Variants in RPIA observed in about 807,000 individuals in gnomAD.
RPIA encodes the protein ribose-5-phosphate isomerase.
A neutral mutation model predicts 37.8 loss-of-function variants in RPIA; 29 were observed. The ratio of observed to expected loss-of-function variants is 0.77; its 90% CI spans 0.57 to 1.05. The LOEUF is 1.05. Ranked by LOEUF, RPIA falls within the 50% of genes least tolerant of loss-of-function variation. RPIA has a pLI of 0.00. For synonymous variants in RPIA, 167 were observed against 157.0 expected (o/e 1.06, Z -0.48); for missense variants, 385 against 413.6 (o/e 0.93, Z 0.60).
At chr2:88,713,311 C>T (rs995746693) in intron 3 of RPIA, among the ~76,000 whole-genome samples, 11 of 151,350 alleles carry the variant, frequency 7.3e-5, no homozygotes, top group Admixed American at 7.2e-4. Context: ...CAAATGTGTG[C>T]CTCCACACCT....
rs146291864 is a variant in RPIA, at chr2:88,721,534, A to T, written c.403-7744A>T. On this transcript the variant is annotated intron_variant, in intron 3 of 8. Coordinates refer to ENST00000283646, the MANE Select transcript of RPIA (RefSeq NM_144563.3). Reference sequence around the variant, plus strand: ...ATAAAACATAATAGATATATTTTAGATATATATTATACACACACACACACA... The same window carrying T: ...ATAAAACATAATAGATATATTTTAGTTATATATTATACACACACACACACA... Among the ~76,000 whole-genome samples, 1,102 of 132,528 alleles carry T rather than the reference A, an allele frequency of 8.3e-3. 17 individuals are homozygous for T. Among genetic ancestry groups the T allele is most frequent in the African/African-American group, 0.03 (1,063 of 35,180 alleles). 86.9% of individuals were successfully genotyped at this position (132,528 alleles called of 152,430 possible).
At chr2:88,725,108 T>C (rs539691904) in intron 3 of RPIA, among the ~76,000 whole-genome samples, 10 of 152,234 alleles carry the variant, frequency 6.6e-5, no homozygotes, top group South Asian at 6.2e-4. Context: ...CCTTGCACTT[T>C]CCAGAACTCT....
chr2:88,691,726 C>G lies in RPIA; in HGVS notation c.28C>G (p.Leu10Val), dbSNP rs773438515. MQRPGPFST[L>V]YGRVLAPLPG... is the part of the protein sequence containing the mutation. ...GCAGCGCCCCGGGCCCTTCAGCACC[C>G]TCTACGGGCGGGTCTTGGCCCCGCT... The change falls in exon 1 of 9, where the codon CTC (leucine) becomes GTC (valine). Residue 10 changes from leucine (L) to valine (V), a missense_variant. By Grantham distance (32) the Leu-to-Val change is conservative. Around this residue, in one of 2 missense-constraint regions of RPIA, gnomAD observed 232 missense variants for 203.0 expected, o/e 1.14. Transcript: ENST00000283646. The G allele has an allele frequency of 3.8e-5, 61 of 1,592,850 alleles. 2 individuals carry two copies. In the South Asian group the frequency reaches 6.2e-4, roughly 16 times the overall value.
chr2:88,740,288 A>G (rs1673367204), intron 8 of RPIA, among the ~76,000 whole-genome samples: 1 of 152,244 alleles, frequency 6.6e-6, no homozygotes, highest in Admixed American at 6.5e-5. Context: ...ATTCTTCAAA[A>G]AAAAGTATGT....
intron 3 of RPIA, among the ~76,000 whole-genome samples, chr2:88,705,827 C>G (rs1223645293): frequency 1.3e-5 from 2 of 152,050 alleles, no homozygotes; most frequent in African/African-American, 4.8e-5. Flanking sequence ...GTTCTAATAT[C>G]TAGAATCTAC....
intron 1 of RPIA, among the ~76,000 whole-genome samples, chr2:88,695,456 T>A (rs1333107359): frequency 6.6e-6 from 1 of 152,230 alleles, no homozygotes; most frequent in African/African-American, 2.4e-5. Context: ...GAAATCCCCA[T>A]ACATTTGATC....
At chr2:88,704,000 G>C (rs972864669) in intron 3 of RPIA, among the ~76,000 whole-genome samples, 4 of 152,192 alleles carry the variant, frequency 2.6e-5, no homozygotes, top group African/African-American at 9.6e-5. Context: ...AATGCTGCCA[G>C]TCTCTTTGCT....
chr2:88,701,250 C>CTT lies in RPIA; in HGVS notation c.402+1202_402+1203dup, dbSNP rs566674003. On this transcript the variant is annotated intron_variant, in intron 3 of 8. Transcript: ENST00000283646. ...GCAATATCTTAAGTGTTTTATATAG[C>CTT]TTTTTTTTTTTTTTTTTAAATCCTG... Among the ~76,000 whole-genome samples, 881 of 141,488 alleles carry CTT rather than the reference C, an allele frequency of 6.2e-3. 56 individuals carry two copies. In the East Asian group the frequency reaches 0.15, roughly 24 times the overall value. 92.8% of individuals were successfully genotyped at this position (141,488 alleles called of 152,430 possible).
chr2:88,712,494 G>C (rs1264843332), intron 3 of RPIA, among the ~76,000 whole-genome samples: 1 of 152,134 alleles, frequency 6.6e-6, no homozygotes, highest in African/African-American at 2.4e-5. Flanking sequence ...ATGAACATTT[G>C]CTTATTCTTT....
intron 3 of RPIA, among the ~76,000 whole-genome samples, chr2:88,715,863 T>A (rs999904918): frequency 2.0e-5 from 3 of 152,014 alleles, no homozygotes; most frequent in Non-Finnish European, 4.4e-5. Context: ...TTCAGAGAGG[T>A]TTTGAGAAGG....
At chr2:88,747,942 ACTGTT>A (rs902554892) in intron 8 of RPIA, among the ~76,000 whole-genome samples, 3 of 152,190 alleles carry the variant, frequency 2.0e-5, no homozygotes, top group African/African-American at 7.2e-5. Flanking sequence ...GTCTCCACAC[ACTGTT>A]CTGTCTGTCC....
At chr2:88,734,716 G>A (rs1673294760) in intron 5 of RPIA, 100 bp downstream of exon 5, 2 of 1,267,612 alleles carry the variant, frequency 1.6e-6, no homozygotes, top group Non-Finnish European at 2.3e-6. Context: ...TGTGACATAT[G>A]CAAGTTTGTC....
At chr2:88,704,888 A>C (rs1434825600) in intron 3 of RPIA, among the ~76,000 whole-genome samples, 1 of 152,238 alleles carries the variant, frequency 6.6e-6, no homozygotes, top group African/African-American at 2.4e-5. Flanking sequence ...ATACAAAATC[A>C]ATGTGCAAAA....
At chr2:88,734,905 A>G (rs533048664) in intron 5 of RPIA, among the ~76,000 whole-genome samples, 2 of 152,338 alleles carry the variant, frequency 1.3e-5, no homozygotes, top group East Asian at 1.9e-4. Flanking sequence ...GGCCAAATCA[A>G]AATAATACTG....
intron 1 of RPIA, among the ~76,000 whole-genome samples, chr2:88,693,248 T>C (rs1255205070): frequency 2.6e-5 from 4 of 152,250 alleles, no homozygotes; most frequent in African/African-American, 9.6e-5. Context: ...TAATATTTGG[T>C]GGCGCATCTC....
chr2:88,692,356 T>C (rs1676947968), intron 1 of RPIA, among the ~76,000 whole-genome samples: 2 of 152,154 alleles, frequency 1.3e-5, no homozygotes, highest in South Asian at 4.1e-4. Flanking sequence ...GGAGAGGTTT[T>C]CATTTCTCTT....
chr2:88,726,083 C>T (rs1207828709), intron 3 of RPIA, among the ~76,000 whole-genome samples: 1 of 152,234 alleles, frequency 6.6e-6, no homozygotes, highest in East Asian at 1.9e-4. Flanking sequence ...GGGAGAGTCT[C>T]AGGGCTTGCA....
chr2:88,702,100 A>G (rs975814234), intron 3 of RPIA, among the ~76,000 whole-genome samples: 1 of 152,252 alleles, frequency 6.6e-6, no homozygotes, highest in African/African-American at 2.4e-5. Context: ...CTGATGATTT[A>G]TAATGTCTAA....
In RPIA at chr2:88,737,702, A is replaced by G. The variant is rs186648386; in HGVS notation, c.739-275A>G. 1.2e-3 allele frequency among the ~76,000 whole-genome samples: 179 copies of G among 152,264 alleles called. 1 individual carries two copies. Among genetic ancestry groups the G allele is most frequent in the African/African-American group, 4.2e-3 (174 of 41,540 alleles). Reference sequence around the variant, plus strand: ...GGTGATAATTGTGACATGGTCACATAGTCATAGTGGGAGCTCATGTGAGTA... The same window carrying G: ...GGTGATAATTGTGACATGGTCACATGGTCATAGTGGGAGCTCATGTGAGTA... On this transcript the variant is annotated intron_variant, in intron 7 of 8. Transcript: ENST00000283646.
Sources: allele counts gnomAD v4.1 joint callset (sites outside exome capture counted in the v4.1 genomes callset), GRCh38; gene constraint gnomAD v4.1.1; regional missense constraint gnomAD v4.1.1; transcripts MANE v1.5; gene names NCBI Gene and HGNC (gene_info 2026-07-23, HGNC 2026-07-21).